Variants in ZNF565 observed in about 807,000 individuals in gnomAD.
ZNF565 encodes zinc finger protein 565.
Under a neutral mutation model 39.4 loss-of-function variants are expected in ZNF565, and 27 were observed. That is an observed-to-expected ratio of 0.69 (90% CI 0.51 to 0.95). ZNF565 has a LOEUF of 0.95. Among genes scored for constraint, ZNF565 ranks in the 40% least tolerant of loss-of-function variants. ZNF565 has a pLI of 0.00. For missense variants in ZNF565, 524 were observed against 621.1 expected, an observed-to-expected ratio of 0.84 and a Z score of 1.66; for synonymous variants, 185 against 216.6, an observed-to-expected ratio of 0.85 and a Z score of 1.28.
chr19:36,240,904 C>T (rs1424030816), intron 1 of ZNF565, among the ~76,000 whole-genome samples: 1 of 151,834 alleles, frequency 6.6e-6, no homozygotes, highest in Non-Finnish European at 1.5e-5. Context: ...GAAGTCTCCA[C>T]TTTCATGAGT....
rs188969551 is a variant in ZNF565, at chr19:36,193,735, C to T, written c.232+498G>A. On this transcript the variant is annotated intron_variant, in intron 4 of 4. Coordinates refer to ENST00000304116, the MANE Select transcript of ZNF565 (RefSeq NM_152477.5). ...GGATTACAGGCGTAGAGCCACTGCG[C>T]CCGGCCAAAAATAAGTTTTTCTAAG... 9.2e-5 allele frequency among the ~76,000 whole-genome samples: 14 copies of T among 152,218 alleles called. No homozygotes were observed. The East Asian group carries it at 2.7e-3, about 29-fold the overall frequency.
At chr19:36,202,245 T>C (rs549022855) in intron 1 of ZNF565, among the ~76,000 whole-genome samples, 195 bp from the exon 2 acceptor site, 1 of 152,206 alleles carries the variant, frequency 6.6e-6, no homozygotes, top group Admixed American at 6.6e-5. Context: ...CTCACGCCTG[T>C]AAACCCAGCA....
At chr19:36,237,536 T>G in intron 1 of ZNF565, 1 of 421,714 alleles carries the variant, frequency 2.4e-6, no homozygotes, top group Non-Finnish European at 4.1e-6. Context: ...GCAGAGATAA[T>G]GGTGAAAGTT....
chr19:36,210,778 C>T (rs1344414359), intron 1 of ZNF565, among the ~76,000 whole-genome samples: 1 of 152,072 alleles, frequency 6.6e-6, no homozygotes, highest in Middle Eastern at 3.4e-3. Context: ...GTACTCGCCA[C>T]CACACCTGGC....
intron 4 of ZNF565, among the ~76,000 whole-genome samples, chr19:36,193,462 A>G (rs1975642539): frequency 7.6e-6 from 1 of 131,846 alleles, no homozygotes; most frequent in Non-Finnish European, 1.6e-5. Flanking sequence ...TTTTTTTGAG[A>G]CAGAGTCTCG....
upstream of ZNF565, among the ~76,000 whole-genome samples, chr19:36,215,442 C>T (rs998572018): frequency 6.6e-6 from 1 of 151,996 alleles, no homozygotes; most frequent in East Asian, 1.9e-4. Context: ...GTGATTGTGC[C>T]TAAGAGGGAG....
At chr19:36,183,991 T>G (rs1975189982) in intron 4 of ZNF565, among the ~76,000 whole-genome samples, 1 of 144,424 alleles carries the variant, frequency 6.9e-6, no homozygotes, top group East Asian at 2.1e-4. Flanking sequence ...GGCAGGAGAA[T>G]CGCTTGAACC....
At chr19:36,213,735 T>TG (rs1976465830) in intron 1 of ZNF565, among the ~76,000 whole-genome samples, 2 of 144,838 alleles carry the variant, frequency 1.4e-5, no homozygotes, top group Admixed American at 1.4e-4. Context: ...CTCGAACTCC[T>TG]GGGCTCAAGT....
chr19:36,183,988 G>A (rs537509111), intron 4 of ZNF565, among the ~76,000 whole-genome samples: 3 of 142,528 alleles, frequency 2.1e-5, no homozygotes, highest in East Asian at 4.7e-4. Context: ...TGAGGCAGGA[G>A]AATCGCTTGA....
At chr19:36,223,611 C>T (rs1303153878) in intron 1 of ZNF565, among the ~76,000 whole-genome samples, 1 of 152,064 alleles carries the variant, frequency 6.6e-6, no homozygotes, top group Non-Finnish European at 1.5e-5. Context: ...GATCCGCCCG[C>T]CTCGGCCCTC....
intron 2 of ZNF565, among the ~76,000 whole-genome samples, chr19:36,197,730 A>C (rs562662938): frequency 6.6e-6 from 1 of 152,190 alleles, no homozygotes; most frequent in Non-Finnish European, 1.5e-5. Flanking sequence ...ACCCTTGTAC[A>C]CTTTGTTGGG....
intron 1 of ZNF565, among the ~76,000 whole-genome samples, chr19:36,234,029 C>T (rs1415160509): frequency 1.3e-5 from 2 of 152,226 alleles, no homozygotes; most frequent in South Asian, 2.1e-4. Context: ...GAGGTCCCTG[C>T]GGCCTTCTGT....
chr19:36,215,616 A>G (rs1976568512), upstream of ZNF565, among the ~76,000 whole-genome samples: 1 of 152,156 alleles, frequency 6.6e-6, no homozygotes, highest in South Asian at 2.1e-4. Flanking sequence ...TTTTTATATA[A>G]AAGCATTTCT....
chr19:36,202,119 T>C, intron 1 of ZNF565, 69 bp from the exon 2 acceptor site: 1 of 816,560 alleles, frequency 1.2e-6, no homozygotes, highest in East Asian at 2.4e-5. Context: ...CACTCCCAAA[T>C]AGATGAGCTT....
At chr19:36,213,941 C>T (rs1006898388) in intron 1 of ZNF565, among the ~76,000 whole-genome samples, 1 of 152,004 alleles carries the variant, frequency 6.6e-6, no homozygotes, top group African/African-American at 2.4e-5. Context: ...CAGTTACTCC[C>T]GTATAGTCAC....
intron 1 of ZNF565, among the ~76,000 whole-genome samples, chr19:36,222,244 T>C (rs1472989344): frequency 1.3e-5 from 2 of 152,202 alleles, no homozygotes; most frequent in Non-Finnish European, 2.9e-5. Context: ...TTCTTAATCA[T>C]AATCTTTAAA....
chr19:36,199,099 GAT>G (rs34866170), intron 2 of ZNF565, among the ~76,000 whole-genome samples: 7,455 of 152,182 alleles, frequency 0.049, 235 homozygotes, highest in Non-Finnish European at 0.065. Flanking sequence ...AAAAACACAA[GAT>G]GTGTAAAATC....
At chr19:36,221,927 C>CTTTTTTTTTTTTTTTTT (rs60347994) in intron 1 of ZNF565, among the ~76,000 whole-genome samples, 1 of 109,890 alleles carries the variant, frequency 9.1e-6, no homozygotes, top group Non-Finnish European at 1.8e-5. Context: ...TTTTTTCTTT[C>CTTTTTTTTTTTTTTTTT]TTTTTTTTTT....
intron 1 of ZNF565, among the ~76,000 whole-genome samples, chr19:36,210,419 CAAAAAAAAAAA>C (rs35345882): frequency 1.5e-5 from 1 of 67,030 alleles, no homozygotes; most frequent in Non-Finnish European, 2.7e-5. Flanking sequence ...AATTCTGTCT[CAAAAAAAAAAA>C]AAAAAAAAAA....
Sources: gnomAD v4.1 joint callset for allele counts (sites outside exome capture counted in the v4.1 genomes callset) on GRCh38, gnomAD v4.1.1 for gene constraint, MANE v1.5 for transcripts, NCBI Gene and HGNC (gene_info 2026-07-23, HGNC 2026-07-21) for gene names.